The following TMCC1 variants were observed in gnomAD, a reference collection of about 807,000 sequenced individuals.
TMCC1 encodes the protein transmembrane and coiled-coil domains protein 1.
In TMCC1, 15 loss-of-function variants were observed where a neutral mutation model predicts 52.4. That is an observed-to-expected ratio of 0.29 (90% confidence interval 0.19 to 0.44). The LOEUF (loss-of-function observed/expected upper bound fraction) is 0.44, where lower values mean the gene tolerates loss of function less well. TMCC1 is among the 20% of genes least tolerant of loss of function. TMCC1 has a pLI of 1.00. For missense variants in TMCC1, 503 were observed against 806.0 expected (o/e 0.62, Z 4.55); for synonymous variants, 279 against 301.9 (o/e 0.92, Z 0.79).
At chr3:129,865,973 T>C (rs2060606868) in intron 2 of TMCC1, among the ~76,000 whole-genome samples, 1 of 152,024 alleles carries the variant, frequency 6.6e-6, no homozygotes, top group South Asian at 2.1e-4. Context: ...CAGATTTGAG[T>C]GTCATCTACA....
intron 5 of TMCC1, among the ~76,000 whole-genome samples, chr3:129,670,116 A>G (rs2087795295): frequency 6.6e-6 from 1 of 152,224 alleles, no homozygotes; most frequent in Non-Finnish European, 1.5e-5. Context: ...TACTTTAGAA[A>G]GCTTGGACTT....
chr3:129,801,764 C>T (rs540208415), intron 4 of TMCC1, among the ~76,000 whole-genome samples: 2 of 152,292 alleles, frequency 1.3e-5, no homozygotes, highest in East Asian at 3.9e-4. Context: ...GTGAGTTGTT[C>T]TCTAGGGTAG....
intron 4 of TMCC1, among the ~76,000 whole-genome samples, chr3:129,723,677 C>T (rs2049838877): frequency 6.6e-6 from 1 of 152,190 alleles, no homozygotes; most frequent in Non-Finnish European, 1.5e-5. Context: ...ACAGAGCACC[C>T]TCTACATTCT....
At chr3:129,888,797 T>C (rs111382019) in intron 1 of TMCC1, among the ~76,000 whole-genome samples, 115 of 152,276 alleles carry the variant, frequency 7.6e-4, no homozygotes, top group Middle Eastern at 3.4e-3. Context: ...AAACAAACTC[T>C]GCCTCAAGCC....
intron 4 of TMCC1, among the ~76,000 whole-genome samples, chr3:129,813,666 T>G (rs1053132174): frequency 5.3e-5 from 8 of 151,834 alleles, no homozygotes; most frequent in African/African-American, 1.7e-4. Flanking sequence ...GGGAGGAGGG[T>G]GAGGATCGAA....
intron 4 of TMCC1, among the ~76,000 whole-genome samples, chr3:129,714,426 T>A (rs905257317): frequency 6.6e-6 from 1 of 152,156 alleles, no homozygotes; most frequent in Non-Finnish European, 1.5e-5. Flanking sequence ...TAAAATGAGA[T>A]CATATTTTCA....
At chr3:129,860,402 A>C (rs961827770) in intron 2 of TMCC1, among the ~76,000 whole-genome samples, 5 of 151,936 alleles carry the variant, frequency 3.3e-5, no homozygotes, top group African/African-American at 1.2e-4. Flanking sequence ...ATATATTATG[A>C]CGTGTACGGG....
intron 4 of TMCC1, among the ~76,000 whole-genome samples, chr3:129,803,335 C>T (rs1008053763): frequency 4.0e-5 from 6 of 151,858 alleles, no homozygotes; most frequent in Non-Finnish European, 8.8e-5. Context: ...GAAAGCAGAA[C>T]AGAGAGTGAG....
Position 129,670,968 on chromosome 3 carries a change from A to G in TMCC1, c.873T>C (p.Thr291=), listed in dbSNP as rs897292597. ...CAAGTTTCTTTTGCAGCTGGAGGAT[A>G]GTTTGGGCAGATTTCTGGTTCTTCT... The part of the protein sequence containing the change: ...FEKKNQKSAQ[T]ILQLQKKLEH... Residue 291 remains threonine (T), a synonymous_variant, in exon 5 of 7, where the codon ACT becomes ACC. Coordinates refer to ENST00000393238, the MANE Select transcript of TMCC1 (RefSeq NM_001017395.5). The G allele has an allele frequency of 6.2e-7, 1 of 1,614,150 alleles. No homozygotes were observed. The highest frequency in any genetic ancestry group is 1.7e-5 in the Admixed American group (1 of 60,014).
Position 129,674,704 on chromosome 3 carries a change from G to T in TMCC1, c.577-3440C>A, listed in dbSNP as rs114786348. ...GAGTTAGGAACAAAGTCCTTAAAGG[G>T]GAATTCCATGCTCTAGGCATTAATA... is the stretch of plus-strand genomic sequence containing the variant. On this transcript the variant is annotated intron_variant, in intron 4 of 6. Transcript: ENST00000393238. Among the ~76,000 whole-genome samples the T allele has an allele frequency of 6.8e-3, 1,033 of 152,260 alleles. 11 individuals carry two copies. The highest frequency in any genetic ancestry group is 0.024 in the African/African-American group (987 of 41,556).
intron 1 of TMCC1, among the ~76,000 whole-genome samples, chr3:129,882,804 T>A (rs1404124492): frequency 1.3e-5 from 2 of 152,134 alleles, no homozygotes; most frequent in Non-Finnish European, 2.9e-5. Context: ...TCCACTTATA[T>A]GAGGTACCTA....
At chr3:129,654,903 C>T in intron 6 of TMCC1, 65 bp downstream of exon 6, 1 of 1,570,188 alleles carries the variant, frequency 6.4e-7, no homozygotes, top group Non-Finnish European at 8.6e-7. Flanking sequence ...TTTCCTTCCG[C>T]TGTTTTCCTT....
intron 2 of TMCC1, among the ~76,000 whole-genome samples, chr3:129,851,272 C>A (rs1356820017): frequency 6.6e-6 from 1 of 152,190 alleles, no homozygotes; most frequent in Non-Finnish European, 1.5e-5. Flanking sequence ...GTAGCACCAG[C>A]CTTTGGCTCC....
chr3:129,705,704 G>T (rs939416061), intron 4 of TMCC1, among the ~76,000 whole-genome samples: 1 of 148,072 alleles, frequency 6.8e-6, no homozygotes, highest in African/African-American at 2.5e-5. Context: ...CTGGGTTCAC[G>T]CCATTCTCCT....
chr3:129,715,591 C>T lies in TMCC1; in HGVS notation c.577-44327G>A, dbSNP rs115844121. ...TATCTGCTCTGTGCTTGAAGTGAAA[C>T]GTACATAAATTTAAGTCCAAGTAAG... On this transcript the variant is annotated intron_variant, in intron 4 of 6. Coordinates refer to ENST00000393238, the MANE Select transcript of TMCC1 (RefSeq NM_001017395.5). 9.3e-3 allele frequency among the ~76,000 whole-genome samples: 1,410 copies of T among 152,230 alleles called. 11 individuals are homozygous for T. The highest frequency in any genetic ancestry group is 0.02 in the Middle Eastern group (6 of 294).
At chr3:129,812,663 G>A (rs1003386240) in intron 4 of TMCC1, among the ~76,000 whole-genome samples, 3 of 152,038 alleles carry the variant, frequency 2.0e-5, no homozygotes, top group Non-Finnish European at 4.4e-5. Context: ...ATAATTTTAA[G>A]CTTAAAAAGA....
At chr3:129,808,500 T>A (rs574752176) in intron 4 of TMCC1, among the ~76,000 whole-genome samples, 9 of 150,778 alleles carry the variant, frequency 6.0e-5, no homozygotes, top group Admixed American at 4.0e-4. Context: ...ATAATAATAA[T>A]AATAAAATTT....
At chr3:129,829,500 A>AT (rs1188044096) in intron 3 of TMCC1, among the ~76,000 whole-genome samples, 1 of 147,468 alleles carries the variant, frequency 6.8e-6, no homozygotes, top group Non-Finnish European at 1.5e-5. Flanking sequence ...AGATGATGAG[A>AT]TTTTTCCTAA....
intron 4 of TMCC1, among the ~76,000 whole-genome samples, chr3:129,673,958 T>C (rs972837272): frequency 6.6e-6 from 1 of 152,238 alleles, no homozygotes; most frequent in Non-Finnish European, 1.5e-5. Flanking sequence ...ATTTTTACTG[T>C]ACCTTTTCTG....
Sources: gnomAD v4.1 joint callset for allele counts (sites outside exome capture counted in the v4.1 genomes callset) on GRCh38, gnomAD v4.1.1 for gene constraint, MANE v1.5 for transcripts, NCBI Gene and HGNC (gene_info 2026-07-23, HGNC 2026-07-21) for gene names.